USP39: variants seen among roughly 807,000 people sequenced by gnomAD.
The protein encoded by USP39 is ubiquitin specific peptidase 39, also known as ubiquitin carboxyl-terminal hydrolase 39.
USP39 carries 38 observed loss-of-function variants against 66.4 expected under a neutral mutation model. The ratio of observed to expected loss-of-function variants is 0.57; its 90% CI spans 0.44 to 0.75. USP39 has a LOEUF of 0.75. USP39 is among the 30% of genes least tolerant of loss of function. The pLI, the probability that USP39 is intolerant of heterozygous loss-of-function variation, is 0.00. For synonymous variants in USP39, 303 were observed against 274.6 expected, an observed-to-expected ratio of 1.10 and a Z score of -1.02; for missense variants, 608 against 714.4, an observed-to-expected ratio of 0.85 and a Z score of 1.70.
At chr2:85,612,278 T>G (rs1353658463), upstream of USP39, 1 of 1,524,590 alleles carries the variant, frequency 6.6e-7, no homozygotes. Flanking sequence ...GGCTTACAGC[T>G]GATACCAGAA....
chr2:85,616,169 C>A, upstream of USP39: 1 of 1,401,306 alleles, frequency 7.1e-7, no homozygotes, highest in Non-Finnish European at 9.3e-7. Flanking sequence ...TTGGCGCCTG[C>A]GCTGGACGAC....
upstream of USP39, among the ~76,000 whole-genome samples, chr2:85,613,140 G>T (rs1348901711): frequency 6.6e-6 from 1 of 152,000 alleles, no homozygotes; most frequent in African/African-American, 2.4e-5. Context: ...TGGGAGTATC[G>T]CTGGAGGGAG....
At chr2:85,618,334 A>AG (rs1226406069) in intron 1 of USP39, among the ~76,000 whole-genome samples, 69 of 151,318 alleles carry the variant, frequency 4.6e-4, no homozygotes, top group Non-Finnish European at 3.0e-5. Context: ...GAGGCCAAGG[A>AG]GGGTGGATCG....
intron 10 of USP39, among the ~76,000 whole-genome samples, chr2:85,644,058 A>G (rs564294398): frequency 6.6e-6 from 1 of 152,350 alleles, no homozygotes; most frequent in African/African-American, 2.4e-5. Context: ...AGAAAGCTAC[A>G]TATAATAATT....
chr2:85,638,747 C>T (rs1573440015), intron 8 of USP39, among the ~76,000 whole-genome samples: 1 of 151,474 alleles, frequency 6.6e-6, no homozygotes, highest in Non-Finnish European at 1.5e-5. Context: ...GTGTTGGTCA[C>T]GTTGGTCTTG....
In USP39 at chr2:85,648,936, C is replaced by A; in HGVS notation, c.*128C>A. 9.3e-7 allele frequency: 1 copy of A among 1,071,276 alleles called. No individual in the cohort carries two copies. Among genetic ancestry groups the A allele is most frequent in the Non-Finnish European group, 1.4e-6 (1 of 717,920 alleles). 66.4% of individuals were successfully genotyped at this position (1,071,276 alleles called of 1,614,324 possible). ...CCAGCCCAGCTTGTATGGGTTCTGGCTACACCAGAGCACCAAGAGCCCACT... is the reference window on the plus strand; with the variant it reads ...CCAGCCCAGCTTGTATGGGTTCTGGATACACCAGAGCACCAAGAGCCCACT... On this transcript the variant is annotated 3_prime_UTR_variant, in exon 13 of 13. Coordinates refer to ENST00000323701, the MANE Select transcript of USP39 (RefSeq NM_006590.4).
At position 85,630,704 on chromosome 2, in the gene USP39, G is replaced by A; in HGVS notation, c.724-17G>A. ...CTACAAAGGGGCTTTGGGTTAATCG[G>A]AGTGTTTGATTTTTAGGCTCTATCT... On this transcript the variant is annotated splice_polypyrimidine_tract_variant and intron_variant, in intron 5 of 12. Coordinates refer to ENST00000323701, the MANE Select transcript of USP39 (RefSeq NM_006590.4). The A allele has an allele frequency of 6.2e-7, 1 of 1,612,190 alleles. No individual in the cohort carries two copies. Among genetic ancestry groups the A allele is most frequent in the Non-Finnish European group, 8.5e-7 (1 of 1,178,274 alleles).
chr2:85,647,674 C>A (rs866082366), intron 11 of USP39, among the ~76,000 whole-genome samples: 267 of 145,238 alleles, frequency 1.8e-3, no homozygotes, highest in African/African-American at 2.7e-3. Flanking sequence ...AAAAAAAAAA[C>A]AAAAAAACAA....
Position 85,616,432 on chromosome 2 carries a change from T to G in USP39, c.237T>G (p.Asp79Glu). ...FVRVKREREV[D>E]EDSEPEREVR... Reference sequence around the variant, plus strand: ...GGGTGAAGCGGGAGCGCGAGGTCGATGAGGACTCGGAGCCTGAGCGGGAGG... The same window carrying G: ...GGGTGAAGCGGGAGCGCGAGGTCGAGGAGGACTCGGAGCCTGAGCGGGAGG... The change falls in exon 1 of 13, where the codon GAT becomes GAG. Residue 79 changes from aspartate (D) to glutamate (E), a missense_variant. This residue lies in a region of USP39 where 207 missense variants were observed against 145.7 expected (regional missense o/e 1.42). Transcript: ENST00000323701. 6.3e-7 allele frequency: 1 copy of G among 1,585,994 alleles called. No individual in the cohort carries two copies. Among genetic ancestry groups the G allele is most frequent in the Non-Finnish European group, 8.6e-7 (1 of 1,162,924 alleles).
chr2:85,627,695 A>AGGCT (rs1383115520), intron 5 of USP39, among the ~76,000 whole-genome samples: 3 of 151,340 alleles, frequency 2.0e-5, no homozygotes, highest in Admixed American at 2.0e-4. Flanking sequence ...GCTGTTTGGG[A>AGGCT]GGCTGAGGTG....
At chr2:85,605,171 G>A (rs1452843132) in intron 1 of USP39, among the ~76,000 whole-genome samples, 8 of 151,642 alleles carry the variant, frequency 5.3e-5, no homozygotes, top group Admixed American at 2.6e-4. Flanking sequence ...GTGCTGACTC[G>A]GTGGTGGAAT....
upstream of USP39, chr2:85,611,721 G>A (rs201689055): frequency 2.7e-4 from 431 of 1,602,028 alleles, 2 homozygotes; most frequent in African/African-American, 4.5e-3. Context: ...CCGCGTCGGC[G>A]CGGGCGTGTG....
chr2:85,648,444 G>A (rs1315352286), intron 12 of USP39, among the ~76,000 whole-genome samples: 1 of 152,112 alleles, frequency 6.6e-6, no homozygotes, highest in Non-Finnish European at 1.5e-5. Flanking sequence ...TTGCCTGTCT[G>A]TCCTCTCCAT....
chr2:85,604,691 T>C (rs566715506), intron 1 of USP39, among the ~76,000 whole-genome samples: 40 of 152,372 alleles, frequency 2.6e-4, no homozygotes, highest in African/African-American at 9.4e-4. Context: ...TCCTTGCTAA[T>C]TGACAGGAAC....
upstream of USP39, among the ~76,000 whole-genome samples, chr2:85,613,139 C>T (rs184876017): frequency 6.6e-6 from 1 of 151,946 alleles, no homozygotes; most frequent in East Asian, 1.9e-4. Flanking sequence ...GTGGGAGTAT[C>T]GCTGGAGGGA....
intron 11 of USP39, among the ~76,000 whole-genome samples, chr2:85,647,658 C>CAAAA (rs397707342): frequency 1.2e-5 from 1 of 82,478 alleles, no homozygotes; most frequent in Non-Finnish European, 2.7e-5. Context: ...GACCCTGTCT[C>CAAAA]AAAAAAAAAA....
At chr2:85,637,281 T>C (rs1470435539) in intron 7 of USP39, 88 bp from the exon 8 acceptor site, 1 of 1,470,306 alleles carries the variant, frequency 6.8e-7, no homozygotes, top group South Asian at 1.2e-5. Flanking sequence ...AAGATGCTGG[T>C]TTATTTCAGA....
At position 85,647,923 on chromosome 2, in the gene USP39, T is replaced by A. The variant is rs1676773319; in HGVS notation, c.1564-7T>A. The A allele has an allele frequency of 6.2e-7, 1 of 1,613,998 alleles. No homozygotes were observed. The highest frequency in any genetic ancestry group is 1.7e-5 in the Admixed American group (1 of 59,998). ...CAGACTAACCCAGCTCTTCATACTTTCTGCAGGGGACAGGCAAATGGTATG... is the reference window on the plus strand; with the variant it reads ...CAGACTAACCCAGCTCTTCATACTTACTGCAGGGGACAGGCAAATGGTATG... On this transcript the variant is annotated splice_polypyrimidine_tract_variant and splice_region_variant and intron_variant, in intron 11 of 12. Transcript: ENST00000323701.
chr2:85,613,502 A>G (rs1673710541), upstream of USP39, among the ~76,000 whole-genome samples: 1 of 130,064 alleles, frequency 7.7e-6, no homozygotes, highest in African/African-American at 3.5e-5. Context: ...TCAAAAAACA[A>G]AAAACAAAAA....
Sources: gnomAD v4.1 joint callset for allele counts (sites outside exome capture counted in the v4.1 genomes callset) on GRCh38, gnomAD v4.1.1 for gene constraint, gnomAD v4.1.1 regional missense constraint, MANE v1.5 for transcripts, NCBI Gene and HGNC (gene_info 2026-07-23, HGNC 2026-07-21) for gene names.